ADARB2: variants seen among roughly 807,000 people sequenced by gnomAD.
ADARB2 encodes the protein inactive double-stranded RNA-specific editase B2.
Under a neutral mutation model 62.2 loss-of-function variants are expected in ADARB2, and 25 were observed. That is an observed-to-expected ratio of 0.40 (90% CI 0.29 to 0.56). ADARB2 has a LOEUF of 0.56. Ranked by LOEUF, ADARB2 falls within the 20% of genes least tolerant of loss-of-function variation. ADARB2 has a pLI of 0.43. For missense variants in ADARB2, 1,071 were observed against 1,077.4 expected (o/e 0.99, Z 0.08); for synonymous variants, 572 against 500.8 (o/e 1.14, Z -1.90).
chr10:1,689,391 C>T (rs2119124548), intron 1 of ADARB2, among the ~76,000 whole-genome samples: 1 of 152,298 alleles, frequency 6.6e-6, no homozygotes, highest in Non-Finnish European at 1.5e-5. Flanking sequence ...TGTTTCTTTT[C>T]CTTGGTCCTG....
At chr10:1,654,131 T>G (rs1588340130) in intron 1 of ADARB2, among the ~76,000 whole-genome samples, 2 of 152,284 alleles carry the variant, frequency 1.3e-5, no homozygotes, top group South Asian at 4.2e-4. Context: ...TCTGTGGCCA[T>G]TGCAGGTGTT....
At chr10:1,216,277 TA>T (rs1438852669) in intron 7 of ADARB2, 1 of 83,938 alleles carries the variant, frequency 1.2e-5, no homozygotes, top group Non-Finnish European at 2.4e-5. Flanking sequence ...CAGGCCAAGG[TA>T]GGGGGAGGTC....
At chr10:1,411,668 A>G (rs1017474313) in intron 1 of ADARB2, among the ~76,000 whole-genome samples, 25 of 152,008 alleles carry the variant, frequency 1.6e-4, no homozygotes, top group African/African-American at 6.0e-4. Context: ...CACCACAGAG[A>G]CCCCACAGTG....
chr10:1,391,514 A>T (rs1470032939), intron 1 of ADARB2, among the ~76,000 whole-genome samples: 1 of 152,124 alleles, frequency 6.6e-6, no homozygotes, highest in East Asian at 1.9e-4. Flanking sequence ...GCCTCAGTTT[A>T]CCCACGATGA....
At chr10:1,431,831 T>A (rs1474604821) in intron 1 of ADARB2, among the ~76,000 whole-genome samples, 1 of 152,176 alleles carries the variant, frequency 6.6e-6, no homozygotes, top group Non-Finnish European at 1.5e-5. Flanking sequence ...CAATTTTAAG[T>A]TCACAAATTC....
chr10:1,349,237 C>T (rs551399876), intron 3 of ADARB2, among the ~76,000 whole-genome samples: 1 of 152,174 alleles, frequency 6.6e-6, no homozygotes, highest in Non-Finnish European at 1.5e-5. Context: ...GACTCCCACC[C>T]CTGCCTGCCA....
At chr10:1,515,511 C>T (rs1337190295) in intron 1 of ADARB2, among the ~76,000 whole-genome samples, 1 of 152,374 alleles carries the variant, frequency 6.6e-6, no homozygotes, top group South Asian at 2.1e-4. Context: ...GGTCATCCTG[C>T]AGCCAAGACC....
At position 1,445,565 on chromosome 10, in the gene ADARB2, T is replaced by C. The variant is rs1830960210; in HGVS notation, c.101-66405A>G. Reference sequence around the variant, plus strand: ...CTAAACTCATCCATCCATCTGTCCTTCCATTATTTACATGTTGCATGTACT... The same window carrying C: ...CTAAACTCATCCATCCATCTGTCCTCCCATTATTTACATGTTGCATGTACT... On this transcript the variant is annotated intron_variant, in intron 1 of 9. Transcript: ENST00000381312. 3.3e-5 allele frequency among the ~76,000 whole-genome samples: 5 copies of C among 152,234 alleles called. No homozygotes were observed. In the South Asian group the frequency reaches 1.0e-3, roughly 32 times the overall value.
chr10:1,279,793 G>A (rs998924163), intron 3 of ADARB2, among the ~76,000 whole-genome samples: 1 of 152,186 alleles, frequency 6.6e-6, no homozygotes, highest in African/African-American at 2.4e-5. Context: ...TTGGCTCACT[G>A]TTATATTTTG....
chr10:1,389,597 G>C (rs1385187381), intron 1 of ADARB2, among the ~76,000 whole-genome samples: 1 of 151,946 alleles, frequency 6.6e-6, no homozygotes, highest in Non-Finnish European at 1.5e-5. Context: ...ACAAAAATTA[G>C]CTGGGTGTGG....
At chr10:1,537,829 G>A (rs1832353317) in intron 1 of ADARB2, among the ~76,000 whole-genome samples, 1 of 152,072 alleles carries the variant, frequency 6.6e-6, no homozygotes, top group South Asian at 2.1e-4. Flanking sequence ...AGGGGTGAGG[G>A]GAGGGACAGC....
intron 1 of ADARB2, among the ~76,000 whole-genome samples, chr10:1,697,639 C>T (rs1485017015): frequency 6.6e-6 from 1 of 152,212 alleles, no homozygotes; most frequent in African/African-American, 2.4e-5. Context: ...TCCTGAACCC[C>T]AGACAAGGGT....
intron 1 of ADARB2, among the ~76,000 whole-genome samples, chr10:1,455,701 T>C (rs1831087634): frequency 6.6e-6 from 1 of 152,208 alleles, no homozygotes; most frequent in African/African-American, 2.4e-5. Flanking sequence ...CTGAGCCATT[T>C]ACGATTGTCA....
At chr10:1,250,737 T>G (rs980988528) in intron 4 of ADARB2, among the ~76,000 whole-genome samples, 1 of 152,170 alleles carries the variant, frequency 6.6e-6, no homozygotes, top group African/African-American at 2.4e-5. Context: ...CAAAATGAAC[T>G]AAGATAGTTA....
At chr10:1,552,057 C>A (rs1277255770) in intron 1 of ADARB2, among the ~76,000 whole-genome samples, 1 of 152,106 alleles carries the variant, frequency 6.6e-6, no homozygotes, top group Non-Finnish European at 1.5e-5. Context: ...GCCTGAGCCT[C>A]CTCCCTCGCA....
chr10:1,604,949 A>C (rs1433591843), intron 1 of ADARB2, among the ~76,000 whole-genome samples: 2 of 152,240 alleles, frequency 1.3e-5, no homozygotes, highest in Non-Finnish European at 2.9e-5. Context: ...AACTCAGAAA[A>C]GAGATAAAAA....
rs923511435 is a variant in ADARB2 at position 1,582,982 on chromosome 10, A to G, written c.100+154069T>C. On this transcript the variant is annotated intron_variant, in intron 1 of 9. Transcript: ENST00000381312. Reference sequence around the variant, plus strand: ...CCCTCCCTGGTGCATGGGCTGAGCCACTTGTGTCTCTGTATTCCCAGATGC... The same window carrying G: ...CCCTCCCTGGTGCATGGGCTGAGCCGCTTGTGTCTCTGTATTCCCAGATGC... Among the ~76,000 whole-genome samples the G allele has an allele frequency of 3.9e-5, 6 of 152,230 alleles. 1 individual carries two copies. The highest frequency in any genetic ancestry group is 1.4e-4 in the African/African-American group (6 of 41,470).
At chr10:1,461,593 G>A (rs1265984933) in intron 1 of ADARB2, among the ~76,000 whole-genome samples, 1 of 151,992 alleles carries the variant, frequency 6.6e-6, no homozygotes, top group Admixed American at 6.6e-5. Flanking sequence ...TTGATCTCTT[G>A]TGCATTACCT....
intron 1 of ADARB2, among the ~76,000 whole-genome samples, chr10:1,472,955 T>C (rs1171620859): frequency 1.3e-5 from 2 of 151,104 alleles, no homozygotes; most frequent in African/African-American, 4.9e-5. Flanking sequence ...TCCCAATAGA[T>C]AGAAATGCTT....
Sources: gnomAD v4.1 joint callset for allele counts (sites outside exome capture counted in the v4.1 genomes callset) on GRCh38, gnomAD v4.1.1 for gene constraint, MANE v1.5 for transcripts, NCBI Gene and HGNC (gene_info 2026-07-23, HGNC 2026-07-21) for gene names.